The following FGF14 variants were observed in gnomAD, a reference collection of about 807,000 sequenced individuals.
FGF14 encodes the protein fibroblast growth factor 14.
Under a neutral mutation model 25.5 loss-of-function variants are expected in FGF14, and 5 were observed. The observed-to-expected ratio is 0.20, with a 90% CI of 0.10 to 0.41. FGF14 has a LOEUF of 0.41. Ranked by LOEUF, FGF14 falls within the 10% of genes least tolerant of loss-of-function variation. The pLI is 1.00. For missense variants in FGF14, 222 were observed against 320.1 expected (o/e 0.69, Z 2.34); for synonymous variants, 138 against 118.3 (o/e 1.17, Z -1.08).
chr13:101,835,410 T>C (rs1188734666), intron 3 of FGF14, among the ~76,000 whole-genome samples: 1 of 152,100 alleles, frequency 6.6e-6, no homozygotes, highest in Middle Eastern at 3.2e-3. Context: ...CTTATTGTTG[T>C]TTTAGTTTTC....
chr13:102,026,376 A>T (rs2040928564), intron 1 of FGF14, among the ~76,000 whole-genome samples: 1 of 151,816 alleles, frequency 6.6e-6, no homozygotes, highest in African/African-American at 2.4e-5. Context: ...ATTTATATTC[A>T]TAAAGGATAT....
intron 1 of FGF14, among the ~76,000 whole-genome samples, chr13:102,076,785 T>A (rs958115938): frequency 3.3e-5 from 5 of 152,148 alleles, no homozygotes; most frequent in East Asian, 1.9e-4. Flanking sequence ...AAGTTTTTTT[T>A]ATGGAACCAC....
intron 3 of FGF14, among the ~76,000 whole-genome samples, chr13:101,753,742 G>C (rs1462528425): frequency 6.6e-6 from 1 of 151,558 alleles, no homozygotes; most frequent in Non-Finnish European, 1.5e-5. Flanking sequence ...GACGCAGGTT[G>C]CAGTGAGCTG....
intron 3 of FGF14, among the ~76,000 whole-genome samples, chr13:101,861,335 CTCCA>C (rs1327250656): frequency 2.0e-5 from 3 of 152,040 alleles, no homozygotes; most frequent in African/African-American, 7.2e-5. Context: ...CAGCATCTTA[CTCCA>C]TCCACCCACC....
At chr13:101,978,715 C>G (rs897373230) in intron 1 of FGF14, among the ~76,000 whole-genome samples, 1 of 152,188 alleles carries the variant, frequency 6.6e-6, no homozygotes, top group Non-Finnish European at 1.5e-5. Context: ...AATGCCAGTT[C>G]TACTTTCAGA....
At chr13:101,915,069 A>G (rs2033329434) in intron 1 of FGF14, among the ~76,000 whole-genome samples, 1 of 152,212 alleles carries the variant, frequency 6.6e-6, no homozygotes, top group Non-Finnish European at 1.5e-5. Flanking sequence ...AAATTCTCCA[A>G]CAAGAAGTTC....
In FGF14 at chr13:102,059,139, A is replaced by G. The variant is rs540354924; in HGVS notation, c.209-183843T>C. On this transcript the variant is annotated intron_variant, in intron 1 of 4. Transcript: ENST00000376131. ...AATAAAGAATGTGCTCTAGACCTAG[A>G]GCAGATTGAATGAGATTGAAGAAGG... Among the ~76,000 whole-genome samples, 9 of 152,262 alleles carry G rather than the reference A, an allele frequency of 5.9e-5. No individual in the cohort carries two copies. The East Asian group carries it at 1.5e-3, about 26-fold the overall frequency.
intron 1 of FGF14, among the ~76,000 whole-genome samples, chr13:102,219,863 G>A (rs950243559): frequency 9.9e-5 from 15 of 152,026 alleles, no homozygotes; most frequent in African/African-American, 2.9e-4. Flanking sequence ...TTTATAGTGC[G>A]GTTATGGTTG....
At chr13:101,830,406 G>A (rs2042610785) in intron 3 of FGF14, among the ~76,000 whole-genome samples, 1 of 152,062 alleles carries the variant, frequency 6.6e-6, no homozygotes, top group African/African-American at 2.4e-5. Flanking sequence ...CAGGTCCCTG[G>A]CAGGCTGGAA....
rs542351560 is a variant in FGF14, at chr13:101,901,247, C to T, written c.193+15206G>A. Among the ~76,000 whole-genome samples the T allele has an allele frequency of 4.5e-4, 69 of 152,106 alleles. No homozygotes were observed. In the South Asian group the frequency reaches 5.4e-3, roughly 12 times the overall value. On this transcript the variant is annotated intron_variant, in intron 1 of 4. Coordinates refer to ENST00000376143, the MANE Select transcript of FGF14 (RefSeq NM_004115.4). ...CCTATTATTGAAATAGCAACATTTGCGAGAAAGGGATGGGAGAAGATGAAC... is the reference window on the plus strand; with the variant it reads ...CCTATTATTGAAATAGCAACATTTGTGAGAAAGGGATGGGAGAAGATGAAC...
At chr13:102,145,119 C>T (rs1036823002) in intron 1 of FGF14, among the ~76,000 whole-genome samples, 6 of 152,078 alleles carry the variant, frequency 3.9e-5, no homozygotes, top group African/African-American at 1.4e-4. Context: ...AACAGAACCT[C>T]GATGTTGTTC....
At chr13:101,999,102 T>C (rs1160166673) in intron 1 of FGF14, among the ~76,000 whole-genome samples, 2 of 152,204 alleles carry the variant, frequency 1.3e-5, no homozygotes, top group African/African-American at 4.8e-5. Flanking sequence ...ATAATTTATT[T>C]AGAAAGCAAT....
intron 1 of FGF14, among the ~76,000 whole-genome samples, chr13:102,018,201 T>G (rs1316377122): frequency 6.6e-6 from 1 of 152,166 alleles, no homozygotes; most frequent in African/African-American, 2.4e-5. Context: ...AGGCCAAACA[T>G]AAAGTTAGAC....
chr13:101,767,403 G>T (rs1295674540), intron 3 of FGF14, among the ~76,000 whole-genome samples: 1 of 152,064 alleles, frequency 6.6e-6, no homozygotes, highest in African/African-American at 2.4e-5. Context: ...TGCAGCACAG[G>T]TTGAAAGCTA....
At chr13:102,102,148 G>A in intron 1 of FGF14, among the ~76,000 whole-genome samples, 1 of 152,178 alleles carries the variant, frequency 6.6e-6, no homozygotes, top group South Asian at 2.1e-4. Flanking sequence ...TTGCACAAAT[G>A]ATCATATATG....
At chr13:101,878,855 T>G (rs770765504) in intron 1 of FGF14, among the ~76,000 whole-genome samples, 2 of 151,974 alleles carry the variant, frequency 1.3e-5, no homozygotes, top group Admixed American at 6.6e-5. Flanking sequence ...TAAAAATACA[T>G]GTAATATGTA....
intron 1 of FGF14, among the ~76,000 whole-genome samples, chr13:101,884,031 C>T (rs1191981829): frequency 8.3e-6 from 1 of 119,900 alleles, no homozygotes; most frequent in African/African-American, 3.3e-5. Flanking sequence ...CCACTGCACT[C>T]CAGCCTGGGC....
intron 1 of FGF14, among the ~76,000 whole-genome samples, chr13:102,315,046 T>C (rs2055953566): frequency 6.6e-6 from 1 of 151,324 alleles, no homozygotes; most frequent in Non-Finnish European, 1.5e-5. Context: ...CATGTATACA[T>C]ATATGCATAT....
intron 3 of FGF14, among the ~76,000 whole-genome samples, chr13:101,767,618 C>A (rs555400216): frequency 1.4e-4 from 22 of 152,282 alleles, no homozygotes; most frequent in African/African-American, 5.3e-4. Context: ...AGATAAGATA[C>A]TGGAATGTAA....
Sources: gnomAD v4.1 joint callset for allele counts (sites outside exome capture counted in the v4.1 genomes callset) on GRCh38, gnomAD v4.1.1 for gene constraint, MANE v1.5 for transcripts, NCBI Gene and HGNC (gene_info 2026-07-23, HGNC 2026-07-21) for gene names.